NELL1: variants seen among roughly 807,000 people sequenced by gnomAD.
The protein encoded by NELL1 is neural EGFL like 1.
In NELL1, 76 loss-of-function variants were observed where a neutral mutation model predicts 107.4. That is an observed-to-expected ratio of 0.71 (90% CI 0.59 to 0.86). NELL1 has a LOEUF of 0.86. NELL1 is among the 40% of genes least tolerant of loss of function. The pLI is 0.00. For synonymous variants in NELL1, 353 were observed against 341.2 expected (o/e 1.03, Z -0.38); for missense variants, 1,024 against 1,005.5 (o/e 1.02, Z -0.25).
Position 21,372,156 on chromosome 11 carries a change from G to A in NELL1, c.1645+1208G>A, listed in dbSNP as rs1038969237. On this transcript the variant is annotated intron_variant, in intron 15 of 19. Transcript: ENST00000357134. ...TGAAAGAACCATGTACTACCTTTGC[G>A]CAGCGCAAGAGAATTACCACATAGA... Among the ~76,000 whole-genome samples, 6 of 151,826 alleles carry A rather than the reference G, an allele frequency of 4.0e-5. No individual in the cohort carries two copies. In the East Asian group the frequency reaches 9.7e-4, roughly 25 times the overall value.
intron 14 of NELL1, among the ~76,000 whole-genome samples, chr11:21,358,914 A>G (rs755851906): frequency 5.9e-5 from 9 of 152,128 alleles, no homozygotes; most frequent in South Asian, 2.1e-4. Flanking sequence ...TAGGTATACA[A>G]TTGGCAAACA....
rs71034505 is a variant in NELL1 at position 21,337,837 on chromosome 11, T to TTTCTTTCTTTCTTTCTTTC, written c.1550-33014_1550-33013insCTTTCTTTCTTTCTTTCTT. 1.3e-4 allele frequency among the ~76,000 whole-genome samples: 11 copies of TTTCTTTCTTTCTTTCTTTC among 86,650 alleles called. 1 individual carries two copies. Among genetic ancestry groups the TTTCTTTCTTTCTTTCTTTC allele is most frequent in the South Asian group, 4.3e-4 (1 of 2,332 alleles). The allele number at this position is 86,650 out of a possible 152,430, so 56.8% of individuals were successfully genotyped here. On this transcript the variant is annotated intron_variant, in intron 14 of 19. Coordinates refer to ENST00000357134, the MANE Select transcript of NELL1 (RefSeq NM_006157.5). Reference sequence around the variant, plus strand: ...CTTTCCTTCTTTCTTTCTTTCTTTCTTTTCTTTCTTTCTTTCTTTCTTTCT... The same window carrying TTTCTTTCTTTCTTTCTTTC: ...CTTTCCTTCTTTCTTTCTTTCTTTCTTTCTTTCTTTCTTTCTTTCTTTCTTTCTTTCTTTCTTTCTTTCT...
At chr11:20,699,102 A>G (rs890391478) in intron 2 of NELL1, among the ~76,000 whole-genome samples, 3 of 151,560 alleles carry the variant, frequency 2.0e-5, no homozygotes, top group Non-Finnish European at 2.9e-5. Context: ...CTGTAGCCCT[A>G]GCTACTCGGG....
intron 16 of NELL1, among the ~76,000 whole-genome samples, chr11:21,555,555 G>T (rs1856684733): frequency 6.6e-6 from 1 of 151,826 alleles, no homozygotes; most frequent in Non-Finnish European, 1.5e-5. Context: ...AAAGAAAGGG[G>T]AAGAGTCATT....
intron 16 of NELL1, among the ~76,000 whole-genome samples, chr11:21,555,650 C>G (rs953277026): frequency 1.3e-5 from 2 of 151,890 alleles, no homozygotes; most frequent in African/African-American, 4.8e-5. Flanking sequence ...GGGGCTGGAA[C>G]AGTGAGTGAA....
intron 12 of NELL1, among the ~76,000 whole-genome samples, chr11:21,099,907 AC>A (rs1479616033): frequency 6.6e-6 from 1 of 152,206 alleles, no homozygotes; most frequent in African/African-American, 2.4e-5. Flanking sequence ...GATATAACTC[AC>A]ATACTAGGCA....
chr11:20,937,471 C>T (rs1427069218), intron 9 of NELL1, among the ~76,000 whole-genome samples: 2 of 152,204 alleles, frequency 1.3e-5, no homozygotes, highest in African/African-American at 4.8e-5. Flanking sequence ...TACTCCACAG[C>T]GATTGCCACC....
At chr11:20,895,558 T>A (rs1413002764) in intron 5 of NELL1, among the ~76,000 whole-genome samples, 1 of 133,418 alleles carries the variant, frequency 7.5e-6, no homozygotes, top group Non-Finnish European at 1.6e-5. Context: ...CAGGCTGGAG[T>A]GCAGTGGCGC....
At chr11:20,853,089 C>A (rs1848821376) in intron 4 of NELL1, among the ~76,000 whole-genome samples, 1 of 152,192 alleles carries the variant, frequency 6.6e-6, no homozygotes, top group South Asian at 2.1e-4. Flanking sequence ...TGATCTGAAT[C>A]TGATTCTGTA....
intron 2 of NELL1, among the ~76,000 whole-genome samples, chr11:20,719,494 C>G (rs900721925): frequency 2.0e-5 from 3 of 152,044 alleles, no homozygotes; most frequent in African/African-American, 7.2e-5. Flanking sequence ...ACAATAGTTA[C>G]TTCTAGAAAA....
intron 2 of NELL1, among the ~76,000 whole-genome samples, chr11:20,780,763 G>A (rs551570771): frequency 6.6e-6 from 1 of 152,290 alleles, no homozygotes; most frequent in South Asian, 2.1e-4. Flanking sequence ...TGAAGGAGAA[G>A]GAGTCAGGGA....
chr11:21,470,606 A>G (rs774229696), intron 15 of NELL1, among the ~76,000 whole-genome samples: 1 of 152,130 alleles, frequency 6.6e-6, no homozygotes, highest in Non-Finnish European at 1.5e-5. Flanking sequence ...GTCTGTGCAT[A>G]TCTGCAACCA....
At chr11:21,572,278 G>A (rs916427089) in intron 18 of NELL1, among the ~76,000 whole-genome samples, 2 of 151,774 alleles carry the variant, frequency 1.3e-5, no homozygotes, top group African/African-American at 4.8e-5. Context: ...CCCCTAAGAT[G>A]AATATTTCTC....
intron 14 of NELL1, among the ~76,000 whole-genome samples, chr11:21,359,684 T>C (rs1238592981): frequency 6.6e-6 from 1 of 152,210 alleles, no homozygotes; most frequent in East Asian, 1.9e-4. Context: ...CTAATTGTTA[T>C]TGGTTTGTTC....
rs377509985 is a variant in NELL1 at position 21,299,182 on chromosome 11, A to G, written c.1549+69728A>G. Among the ~76,000 whole-genome samples, 131 of 152,020 alleles carry G rather than the reference A, an allele frequency of 8.6e-4. 3 individuals carry two copies. The South Asian group carries it at 0.027, about 31-fold the overall frequency. On this transcript the variant is annotated intron_variant, in intron 14 of 19. Coordinates refer to ENST00000357134, the MANE Select transcript of NELL1 (RefSeq NM_006157.5). ...ACATGCCTTGGGATGCCAGGAGACT[A>G]TTTTCAGTTTTATTAAGCTATTTTC...
intron 2 of NELL1, among the ~76,000 whole-genome samples, chr11:20,766,950 G>A: frequency 6.6e-6 from 1 of 152,196 alleles, no homozygotes; most frequent in East Asian, 1.9e-4. Flanking sequence ...CACTGTGTTG[G>A]CCAGGCTGGT....
chr11:21,373,249 A>G (rs1851396793), intron 15 of NELL1, among the ~76,000 whole-genome samples: 1 of 152,064 alleles, frequency 6.6e-6, no homozygotes, highest in African/African-American at 2.4e-5. Context: ...TAAATAAATT[A>G]TAGGCTAAAC....
chr11:20,701,434 A>G (rs1232187583), intron 2 of NELL1, among the ~76,000 whole-genome samples: 1 of 152,098 alleles, frequency 6.6e-6, no homozygotes, highest in African/African-American at 2.4e-5. Flanking sequence ...GGTAGACTGT[A>G]AAATTTTCTC....
At chr11:21,414,814 A>G (rs1348969627) in intron 15 of NELL1, among the ~76,000 whole-genome samples, 2 of 152,082 alleles carry the variant, frequency 1.3e-5, no homozygotes, top group Non-Finnish European at 2.9e-5. Flanking sequence ...ATCCCGGAAT[A>G]GTTTCAACCT....
Sources: gnomAD v4.1 joint callset for allele counts (sites outside exome capture counted in the v4.1 genomes callset) on GRCh38, gnomAD v4.1.1 for gene constraint, MANE v1.5 for transcripts, NCBI Gene and HGNC (gene_info 2026-07-23, HGNC 2026-07-21) for gene names.